The following LTBP1 variants were observed in gnomAD, a reference collection of about 807,000 sequenced individuals.
LTBP1 encodes latent transforming growth factor beta binding protein 1.
LTBP1 carries 129 observed loss-of-function variants against 207.6 expected under a neutral mutation model. The ratio of observed to expected loss-of-function variants is 0.62; its 90% CI spans 0.54 to 0.72. The LOEUF (loss-of-function observed/expected upper bound fraction) is 0.72. Ranked by LOEUF, LTBP1 falls within the 30% of genes least tolerant of loss-of-function variation. The pLI is 0.00. For synonymous variants in LTBP1, 963 were observed against 833.7 expected, an observed-to-expected ratio of 1.16 and a Z score of -2.67; for missense variants, 2,281 against 2,217.2, an observed-to-expected ratio of 1.03 and a Z score of -0.58.
intron 5 of LTBP1, among the ~76,000 whole-genome samples, chr2:33,151,474 T>C (rs1253104744): frequency 2.0e-5 from 3 of 152,174 alleles, no homozygotes; most frequent in Non-Finnish European, 4.4e-5. Context: ...ATTTTATTTT[T>C]CTTCCCATAG....
chr2:32,994,944 A>G (rs1354929690), intron 2 of LTBP1, among the ~76,000 whole-genome samples: 5 of 152,120 alleles, frequency 3.3e-5, no homozygotes, highest in African/African-American at 4.8e-5. Context: ...AACCCCAATA[A>G]CTCAGGAGGC....
At chr2:33,343,484 C>A (rs960182844) in intron 25 of LTBP1, among the ~76,000 whole-genome samples, 7 of 151,386 alleles carry the variant, frequency 4.6e-5, no homozygotes, top group Non-Finnish European at 1.0e-4. Flanking sequence ...TATGACTTTA[C>A]ATTTAAATGA....
intron 22 of LTBP1, among the ~76,000 whole-genome samples, chr2:33,302,992 C>A (rs1573722884): frequency 6.6e-6 from 1 of 151,612 alleles, no homozygotes; most frequent in East Asian, 1.9e-4. Flanking sequence ...CACAAACACA[C>A]ACAAACACAC....
chr2:33,035,160 C>T (rs1450226080), intron 3 of LTBP1, among the ~76,000 whole-genome samples: 3 of 152,142 alleles, frequency 2.0e-5, no homozygotes, highest in East Asian at 1.9e-4. Flanking sequence ...TTTAGCAACA[C>T]GTTGCTAATG....
chr2:33,343,363 A>G (rs1052307072), intron 25 of LTBP1, among the ~76,000 whole-genome samples: 2 of 150,524 alleles, frequency 1.3e-5, no homozygotes, highest in Non-Finnish European at 2.9e-5. Flanking sequence ...ATAAGCCGTG[A>G]TCATGCCACT....
chr2:33,206,097 T>G (rs948370115), intron 7 of LTBP1, among the ~76,000 whole-genome samples: 9 of 152,180 alleles, frequency 5.9e-5, no homozygotes, highest in Non-Finnish European at 1.3e-4. Context: ...CTGGGAAATG[T>G]GGGGAAACAA....
At chr2:33,355,238 C>A in intron 26 of LTBP1, among the ~76,000 whole-genome samples, 1 of 152,000 alleles carries the variant, frequency 6.6e-6, no homozygotes, top group African/African-American at 2.4e-5. Context: ...TATTCTGACT[C>A]ATCTCAGTGT....
At chr2:32,999,407 T>A (rs1400278595) in intron 2 of LTBP1, among the ~76,000 whole-genome samples, 2 of 79,522 alleles carry the variant, frequency 2.5e-5, no homozygotes, top group Non-Finnish European at 5.9e-5. Flanking sequence ...ACATGGTGTG[T>A]GGAGACCCCG....
chr2:32,994,010 TG>T (rs1684860656), intron 2 of LTBP1, among the ~76,000 whole-genome samples: 1 of 55,134 alleles, frequency 1.8e-5, no homozygotes, highest in East Asian at 5.4e-4. Context: ...GTGTGTGTGT[TG>T]GGGGTTATTC....
At chr2:33,255,213 T>C (rs1206405109) in intron 11 of LTBP1, among the ~76,000 whole-genome samples, 1 of 151,366 alleles carries the variant, frequency 6.6e-6, no homozygotes, top group East Asian at 1.9e-4. Flanking sequence ...TTACTGAGAA[T>C]GATGGTTTCC....
At chr2:33,076,052 A>C (rs1419445033) in intron 3 of LTBP1, among the ~76,000 whole-genome samples, 1 of 152,198 alleles carries the variant, frequency 6.6e-6, no homozygotes. Context: ...GCAACAGTAA[A>C]AAGGAATATT....
At chr2:33,397,847 T>C (rs1213623132) in intron 33 of LTBP1, among the ~76,000 whole-genome samples, 1 of 152,054 alleles carries the variant, frequency 6.6e-6, no homozygotes, top group Non-Finnish European at 1.5e-5. Flanking sequence ...AGCAGTCCTT[T>C]TGCCCACTTT....
intron 24 of LTBP1, among the ~76,000 whole-genome samples, chr2:33,323,922 A>C (rs987641581): frequency 3.9e-5 from 6 of 152,178 alleles, no homozygotes; most frequent in Non-Finnish European, 8.8e-5. Context: ...GTTTGGCTAC[A>C]TGGGCTTGAA....
intron 5 of LTBP1, among the ~76,000 whole-genome samples, chr2:33,147,894 G>T (rs757984754): frequency 1.3e-5 from 2 of 152,158 alleles, no homozygotes; most frequent in Non-Finnish European, 2.9e-5. Context: ...GCCCTCCAAA[G>T]AATTTTCACC....
rs997106377 is a variant in LTBP1, at chr2:33,188,750, A to G, written c.1600A>G (p.Ile534Val). 5 of 1,614,078 alleles carry G rather than the reference A, an allele frequency of 3.1e-6. No homozygotes were observed. Among genetic ancestry groups the G allele is most frequent in the Non-Finnish European group, 3.4e-6 (4 of 1,180,038 alleles). ...QGLPVQKTQT[I>V]HSTYSHQQVI... ...GCTTCCTGTCCAGAAGACCCAGACC[A>G]TACATTCCACATACTCCCACCAGCA... Residue 534 changes from isoleucine to valine, a missense_variant, in exon 7 of 34, where the codon ATA becomes GTA. Around this residue, in one of 3 missense-constraint regions of LTBP1, gnomAD observed 1,671 missense variants for 1,634.8 expected, o/e 1.02. Coordinates refer to ENST00000404816, the MANE Select transcript of LTBP1 (RefSeq NM_206943.4).
chr2:33,318,532 A>G (rs1462116951), intron 24 of LTBP1, among the ~76,000 whole-genome samples: 2 of 152,222 alleles, frequency 1.3e-5, no homozygotes, highest in Non-Finnish European at 2.9e-5. Flanking sequence ...CCCTTTCTGG[A>G]TATAAATAAG....
rs200334066 is a variant in LTBP1 at position 33,103,632 on chromosome 2, T to TGTGTGTG, written c.864-6950_864-6949insGTGTGTG. 1.9e-4 allele frequency among the ~76,000 whole-genome samples: 28 copies of TGTGTGTG among 149,380 alleles called. 1 individual carries two copies. The highest frequency in any genetic ancestry group is 3.1e-4 in the Non-Finnish European group (21 of 67,096). ...GTGTGTGTGTGTGTGTGTGTGAGTGTTATGCTGCCATGTGGCATCTTCCTA... is the reference window on the plus strand; with the variant it reads ...GTGTGTGTGTGTGTGTGTGTGAGTGTGTGTGTGTATGCTGCCATGTGGCATCTTCCTA... On this transcript the variant is annotated intron_variant, in intron 3 of 33. Transcript: ENST00000404816.
intron 3 of LTBP1, among the ~76,000 whole-genome samples, chr2:33,040,050 G>T (rs1402501388): frequency 6.6e-6 from 1 of 152,154 alleles, no homozygotes; most frequent in African/African-American, 2.4e-5. Context: ...GAGTGGTTGG[G>T]GAAGGCTAGG....
At chr2:33,353,861 T>A (rs879276532) in intron 26 of LTBP1, among the ~76,000 whole-genome samples, 21,790 of 126,144 alleles carry the variant, frequency 0.17, 1,520 homozygotes, top group South Asian at 0.25. Flanking sequence ...CATGTACGCC[T>A]TTTTTTTTTT....
Sources: gnomAD v4.1 joint callset for allele counts (sites outside exome capture counted in the v4.1 genomes callset) on GRCh38, gnomAD v4.1.1 for gene constraint, gnomAD v4.1.1 regional missense constraint, MANE v1.5 for transcripts, NCBI Gene and HGNC (gene_info 2026-07-23, HGNC 2026-07-21) for gene names.